PRDM16: variants seen among roughly 807,000 people sequenced by gnomAD.
PRDM16 encodes PR/SET domain 16.
Under a neutral mutation model 110.6 loss-of-function variants are expected in PRDM16, and 23 were observed. The ratio of observed to expected loss-of-function variants is 0.21; its 90% CI spans 0.15 to 0.29. The LOEUF (loss-of-function observed/expected upper bound fraction) is 0.29, where lower values mean the gene tolerates loss of function less well. PRDM16 is among the 10% of genes least tolerant of loss of function. The pLI is 1.00. For synonymous variants in PRDM16, 799 were observed against 781.8 expected, an observed-to-expected ratio of 1.02 and a Z score of -0.37; for missense variants, 1,615 against 1,794.3, an observed-to-expected ratio of 0.90 and a Z score of 1.81.
chr1:3,430,765 G>A, intron 14 of PRDM16, 107 bp from the exon 15 acceptor site: 1 of 1,336,984 alleles, frequency 7.5e-7, no homozygotes, highest in Non-Finnish European at 1.1e-6. Context: ...GGGGCTGAGT[G>A]TTGTCGGGGG....
In PRDM16 at chr1:3,425,268, C is replaced by T. The variant is rs529727421; in HGVS notation, c.2940-313C>T. ...GATTTTTTTGTATTTTTAGTAGAGA[C>T]GGGGTTTCACCATGTCAGCCAGGAT... On this transcript the variant is annotated intron_variant, in intron 12 of 16. Coordinates refer to ENST00000270722, the MANE Select transcript of PRDM16 (RefSeq NM_022114.4). The surrounding 1 kb of genome is among the most constrained non-coding windows in gnomAD (Gnocchi z 6.9). 268 of 208,198 alleles carry T rather than the reference C, an allele frequency of 1.3e-3. No individual in the cohort carries two copies. In the Middle Eastern group the frequency reaches 0.016, roughly 12 times the overall value. The allele number at this position is 208,198 out of a possible 1,614,324, so 12.9% of individuals were successfully genotyped here.
chr1:3,273,976 T>TAAAAAAAAAA (rs927412647), intron 3 of PRDM16, among the ~76,000 whole-genome samples: 1 of 68,538 alleles, frequency 1.5e-5, no homozygotes, highest in Non-Finnish European at 3.1e-5. Flanking sequence ...TATGGGGAGG[T>TAAAAAAAAAA]AAAAAAAAAA....
intron 1 of PRDM16, among the ~76,000 whole-genome samples, chr1:3,141,622 G>A (rs935423896): frequency 6.6e-6 from 1 of 152,256 alleles, no homozygotes; most frequent in African/African-American, 2.4e-5. Flanking sequence ...AGAAAGCCCA[G>A]GGCGGGCCAC....
rs574249691 is a variant in PRDM16 at position 3,222,728 on chromosome 1, G to C, written c.388-21359G>C. 4.3e-4 allele frequency among the ~76,000 whole-genome samples: 65 copies of C among 152,378 alleles called. 1 individual carries two copies. The South Asian group carries it at 0.013, about 30-fold the overall frequency. Reference sequence around the variant, plus strand: ...GGCCCCTGACTGTCTCCAGCGTGCAGTGGGGCGAGGACCAGCATCCCCATT... The same window carrying C: ...GGCCCCTGACTGTCTCCAGCGTGCACTGGGGCGAGGACCAGCATCCCCATT... On this transcript the variant is annotated intron_variant, in intron 2 of 16. Transcript: ENST00000270722.
intron 1 of PRDM16, among the ~76,000 whole-genome samples, chr1:3,083,207 G>A (rs897255289): frequency 6.6e-6 from 1 of 152,192 alleles, no homozygotes; most frequent in Non-Finnish European, 1.5e-5. Context: ...CTGGATGAGC[G>A]CAGTGGCAAT....
chr1:3,131,779 C>A (rs376373058), intron 1 of PRDM16, among the ~76,000 whole-genome samples: 30 of 152,284 alleles, frequency 2.0e-4, no homozygotes, highest in African/African-American at 5.5e-4. Context: ...ACAGGGGAGG[C>A]CGTGGCCCAG....
At chr1:3,217,269 C>T (rs1251266675) in intron 2 of PRDM16, among the ~76,000 whole-genome samples, 1 of 152,260 alleles carries the variant, frequency 6.6e-6, no homozygotes. Flanking sequence ...AGCTCCTTAG[C>T]CTGGGTTAGC....
In PRDM16 at chr1:3,069,354, G is replaced by A. The variant is rs1407347689; in HGVS notation, c.37+58G>A. 6 of 908,588 alleles carry A rather than the reference G, an allele frequency of 6.6e-6. No homozygotes were observed. Among genetic ancestry groups the A allele is most frequent in the East Asian group, 1.2e-4 (1 of 8,644 alleles). 56.3% of individuals were successfully genotyped at this position (908,588 alleles called of 1,614,324 possible). On this transcript the variant is annotated intron_variant, in intron 1 of 16. Coordinates refer to ENST00000270722, the MANE Select transcript of PRDM16 (RefSeq NM_022114.4). The surrounding 1 kb of genome is among the most constrained non-coding windows in gnomAD (Gnocchi z 6.1). ...CCGGGGCCCGGGCCGCCGGGCCGGGGCGCCCGGGCCAGGGGTGCGCGTCGG... is the reference window on the plus strand; with the variant it reads ...CCGGGGCCCGGGCCGCCGGGCCGGGACGCCCGGGCCAGGGGTGCGCGTCGG...
At chr1:3,227,603 C>T (rs530570735) in intron 2 of PRDM16, among the ~76,000 whole-genome samples, 31 of 152,362 alleles carry the variant, frequency 2.0e-4, no homozygotes, top group Middle Eastern at 3.4e-3. Flanking sequence ...AATCAGGACC[C>T]GTGGGCCCCA....
chr1:3,084,549 C>A (rs1483814428), intron 1 of PRDM16, among the ~76,000 whole-genome samples: 4 of 152,170 alleles, frequency 2.6e-5, no homozygotes. Flanking sequence ...CTGCTTGCTG[C>A]AGTTGCTCTG....
chr1:3,278,069 C>T (rs1027702757), intron 3 of PRDM16, among the ~76,000 whole-genome samples: 2 of 152,224 alleles, frequency 1.3e-5, no homozygotes, highest in East Asian at 1.9e-4. Flanking sequence ...GGGGTCATTC[C>T]TAATTCAAGT....
intron 2 of PRDM16, among the ~76,000 whole-genome samples, chr1:3,189,939 T>C (rs1052006572): frequency 3.9e-5 from 6 of 152,252 alleles, no homozygotes; most frequent in African/African-American, 1.2e-4. Flanking sequence ...ACAAAGTTCT[T>C]GTTCTGGAGA....
At chr1:3,165,409 T>G (rs113129379) in intron 1 of PRDM16, among the ~76,000 whole-genome samples, 903 of 78,704 alleles carry the variant, frequency 0.011, 22 homozygotes, top group East Asian at 0.068. Flanking sequence ...TCAGGGACAG[T>G]GACTCACCTG....
chr1:3,082,642 G>A (rs1042889881), intron 1 of PRDM16, among the ~76,000 whole-genome samples: 6 of 152,192 alleles, frequency 3.9e-5, no homozygotes, highest in Admixed American at 1.3e-4. Flanking sequence ...CGGGGTTGGG[G>A]GCCAATGCCC....
At chr1:3,123,211 C>A (rs1156420258) in intron 1 of PRDM16, among the ~76,000 whole-genome samples, 1 of 152,228 alleles carries the variant, frequency 6.6e-6, no homozygotes, top group Non-Finnish European at 1.5e-5. Context: ...GCACAGGGGA[C>A]AGGGGCTGCA....
intron 9 of PRDM16, among the ~76,000 whole-genome samples, chr1:3,413,862 G>A (rs2100667759): frequency 6.6e-6 from 1 of 152,302 alleles, no homozygotes; most frequent in Non-Finnish European, 1.5e-5. Context: ...TTGTGATTCA[G>A]TGAGCAGGCT....
At chr1:3,185,951 C>A (rs1426980898) in intron 1 of PRDM16, among the ~76,000 whole-genome samples, 174 bp from the exon 2 acceptor site, 2 of 152,232 alleles carry the variant, frequency 1.3e-5, no homozygotes, top group Non-Finnish European at 2.9e-5. Context: ...GTGATGGCAG[C>A]TGGGCTCAGG....
intron 1 of PRDM16, among the ~76,000 whole-genome samples, chr1:3,158,536 A>G (rs768515489): frequency 6.6e-6 from 1 of 152,178 alleles, no homozygotes; most frequent in Non-Finnish European, 1.5e-5. Context: ...TTAAAATTCA[A>G]TTTTGTTCTC....
At chr1:3,429,279 G>A (rs921497143) in intron 14 of PRDM16, among the ~76,000 whole-genome samples, 1 of 152,240 alleles carries the variant, frequency 6.6e-6, no homozygotes, top group African/African-American at 2.4e-5. Flanking sequence ...TGTCCTCCCT[G>A]TTGGAGCCAA....
Sources: allele counts gnomAD v4.1 joint callset (sites outside exome capture counted in the v4.1 genomes callset), GRCh38; gene constraint gnomAD v4.1.1; non-coding constraint Gnocchi (gnomAD v3.1); transcripts MANE v1.5; gene names NCBI Gene and HGNC (gene_info 2026-07-23, HGNC 2026-07-21).